Variants in DLG2 observed in about 807,000 individuals in gnomAD.
The protein encoded by DLG2 is disks large homolog 2.
DLG2 carries 45 observed loss-of-function variants against 132.5 expected under a neutral mutation model. The observed-to-expected ratio is 0.34, with a 90% CI of 0.27 to 0.44. The LOEUF (loss-of-function observed/expected upper bound fraction) is 0.44, where lower values mean the gene tolerates loss of function less well. DLG2 is among the 20% of genes least tolerant of loss of function. The pLI is 1.00. For synonymous variants in DLG2, 424 were observed against 419.6 expected, an observed-to-expected ratio of 1.01 and a Z score of -0.13; for missense variants, 1,045 against 1,196.9, an observed-to-expected ratio of 0.87 and a Z score of 1.87.
intron 7 of DLG2, among the ~76,000 whole-genome samples, chr11:84,272,918 T>C (rs2154365389): frequency 6.6e-6 from 1 of 152,266 alleles, no homozygotes; most frequent in Non-Finnish European, 1.5e-5. Flanking sequence ...TTCAGTGGGA[T>C]GAGTTTGATT....
intron 10 of DLG2, among the ~76,000 whole-genome samples, chr11:84,077,140 A>G (rs764647199): frequency 1.3e-5 from 2 of 152,174 alleles, no homozygotes; most frequent in Non-Finnish European, 2.9e-5. Flanking sequence ...TTGACCTGGC[A>G]TCTCCCCTTG....
intron 6 of DLG2, among the ~76,000 whole-genome samples, chr11:85,000,003 C>T (rs916479922): frequency 2.7e-5 from 2 of 72,750 alleles, no homozygotes; most frequent in South Asian, 8.0e-4. Context: ...AAATATATTT[C>T]AGATCTTCCC....
At chr11:84,218,462 T>C (rs944303378) in intron 8 of DLG2, among the ~76,000 whole-genome samples, 4 of 151,970 alleles carry the variant, frequency 2.6e-5, no homozygotes, top group South Asian at 4.2e-4. Context: ...TAAGAGCGTA[T>C]TTCCTGGCTC....
chr11:83,577,688 TAATA>T (rs1185647372), intron 19 of DLG2, among the ~76,000 whole-genome samples: 3 of 125,888 alleles, frequency 2.4e-5, no homozygotes, highest in East Asian at 4.3e-4. Context: ...TTATATCCTA[TAATA>T]AATAGGATAT....
intron 8 of DLG2, among the ~76,000 whole-genome samples, chr11:84,194,239 C>T (rs776071507): frequency 9.9e-5 from 15 of 152,110 alleles, no homozygotes; most frequent in Non-Finnish European, 1.5e-4. Flanking sequence ...TTCTTGGTCT[C>T]GCTGACTTTC....
chr11:84,046,545 T>C (rs1260978383), intron 11 of DLG2, among the ~76,000 whole-genome samples: 2 of 151,612 alleles, frequency 1.3e-5, no homozygotes, highest in Admixed American at 6.6e-5. Flanking sequence ...ACAAATCATA[T>C]GTATATACCT....
chr11:85,416,937 T>C (rs576754564), intron 3 of DLG2, among the ~76,000 whole-genome samples: 4 of 152,174 alleles, frequency 2.6e-5, no homozygotes, highest in Admixed American at 2.6e-4. Context: ...GCTTTATTTC[T>C]TTCTCTTGCC....
At chr11:85,073,710 G>A (rs545667494) in intron 6 of DLG2, among the ~76,000 whole-genome samples, 2 of 151,856 alleles carry the variant, frequency 1.3e-5, no homozygotes, top group African/African-American at 4.8e-5. Flanking sequence ...CAAGAAGTAG[G>A]ATATTGAATT....
At chr11:84,666,606 A>G (rs1469487362) in intron 6 of DLG2, among the ~76,000 whole-genome samples, 1 of 152,138 alleles carries the variant, frequency 6.6e-6, no homozygotes, top group Non-Finnish European at 1.5e-5. Context: ...TGATATCAAA[A>G]AAGTACTCAC....
chr11:84,661,272 T>A (rs954641495), intron 6 of DLG2, among the ~76,000 whole-genome samples: 1 of 152,100 alleles, frequency 6.6e-6, no homozygotes, highest in Non-Finnish European at 1.5e-5. Context: ...GGCACTTGAA[T>A]AAAAATGAAG....
At chr11:83,508,403 A>ATTTTTTTTTTTTTTTTTTTT (rs746968613) in intron 21 of DLG2, among the ~76,000 whole-genome samples, 1 of 80,200 alleles carries the variant, frequency 1.2e-5, no homozygotes, top group Non-Finnish European at 2.2e-5. Context: ...CGCCTGGCTA[A>ATTTTTTTTTTTTTTTTTTTT]TTTTTTTTTT....
chr11:84,498,274 C>A (rs1454481877), intron 7 of DLG2, among the ~76,000 whole-genome samples: 5 of 152,130 alleles, frequency 3.3e-5, no homozygotes, highest in Non-Finnish European at 7.4e-5. Flanking sequence ...GAGTAAGAAA[C>A]TGAGATGCAA....
intron 5 of DLG2, among the ~76,000 whole-genome samples, chr11:85,151,681 A>G (rs2077263072): frequency 6.6e-6 from 1 of 152,168 alleles, no homozygotes; most frequent in Non-Finnish European, 1.5e-5. Context: ...TCCCTTATTT[A>G]AAATAATTTG....
At chr11:84,134,368 C>G (rs1945824) in intron 9 of DLG2, among the ~76,000 whole-genome samples, 130,729 of 152,076 alleles carry the variant, frequency 0.86, 56,468 homozygotes, top group Middle Eastern at 0.93. Context: ...CAAAAGAATA[C>G]AGGTAATTTC....
chr11:84,312,650 T>C (rs1484784376), intron 7 of DLG2, among the ~76,000 whole-genome samples: 1 of 152,250 alleles, frequency 6.6e-6, no homozygotes, highest in East Asian at 1.9e-4. Flanking sequence ...TTTGCTTCGC[T>C]TCTAAGTTGT....
At chr11:85,206,329 G>T (rs962557906) in intron 4 of DLG2, among the ~76,000 whole-genome samples, 4 of 152,132 alleles carry the variant, frequency 2.6e-5, no homozygotes, top group African/African-American at 9.7e-5. Flanking sequence ...TTATAGAAAT[G>T]CAAGAACAGA....
At chr11:85,171,681 G>A (rs557737349) in intron 4 of DLG2, among the ~76,000 whole-genome samples, 9 of 152,288 alleles carry the variant, frequency 5.9e-5, no homozygotes, top group African/African-American at 1.9e-4. Flanking sequence ...CAGCCAGCCA[G>A]TGGCAGCAGG....
intron 4 of DLG2, among the ~76,000 whole-genome samples, chr11:85,162,145 G>C (rs2078080443): frequency 1.3e-5 from 2 of 152,176 alleles, no homozygotes; most frequent in Non-Finnish European, 2.9e-5. Flanking sequence ...TTATAGTGTT[G>C]GCTGGTGTGA....
chr11:85,193,491 A>G (rs2080781389), intron 4 of DLG2, among the ~76,000 whole-genome samples: 1 of 152,230 alleles, frequency 6.6e-6, no homozygotes, highest in African/African-American at 2.4e-5. Context: ...ACTATTTTCC[A>G]AAGTGGCTGC....
Sources: gnomAD v4.1 joint callset for allele counts (sites outside exome capture counted in the v4.1 genomes callset) on GRCh38, gnomAD v4.1.1 for gene constraint, MANE v1.5 for transcripts, NCBI Gene and HGNC (gene_info 2026-07-23, HGNC 2026-07-21) for gene names.